ZNF644: variants seen among roughly 807,000 people sequenced by gnomAD.
ZNF644 encodes the protein zinc finger motif enhancer binding protein 2.
Under a neutral mutation model 108.0 loss-of-function variants are expected in ZNF644, and 20 were observed. The observed-to-expected ratio is 0.19, with a 90% confidence interval of 0.13 to 0.27. The LOEUF is 0.27. ZNF644 is among the 10% of genes least tolerant of loss of function. The pLI is 1.00. For missense variants in ZNF644, 1,338 were observed against 1,548.9 expected, an observed-to-expected ratio of 0.86 and a Z score of 2.29; for synonymous variants, 542 against 539.1, an observed-to-expected ratio of 1.01 and a Z score of -0.08.
At position 90,940,153 on chromosome 1, in the gene ZNF644, T is replaced by G. The variant is rs777201570; in HGVS notation, c.1201A>C (p.Thr401Pro). ...AATGATGGCTCTTCGGTACTGAAAG[T>G]AGCAGGTGACTCAGAATCACTCTCT... ...CEESDSESPA[T>P]FSTEEPSFYP... is the part of the protein sequence containing the mutation. Residue 401 changes from threonine (T) to proline (P), a missense_variant, in exon 3 of 6, where the codon ACT becomes CCT. Around this residue, in one of 6 missense-constraint regions of ZNF644, gnomAD observed 464 missense variants for 457.9 expected, o/e 1.01. Coordinates refer to ENST00000337393, the MANE Select transcript of ZNF644 (RefSeq NM_201269.3). 1.7e-5 allele frequency: 28 copies of G among 1,613,938 alleles called. No homozygotes were observed. Among genetic ancestry groups the G allele is most frequent in the Admixed American group, 1.2e-4 (7 of 59,996 alleles).
chr1:90,988,256 A>G (rs1210389646), intron 1 of ZNF644, among the ~76,000 whole-genome samples: 1 of 152,218 alleles, frequency 6.6e-6, no homozygotes, highest in Non-Finnish European at 1.5e-5. Context: ...TTGTATTTCA[A>G]TGAGCAATTT....
intron 1 of ZNF644, chr1:91,021,722 C>T (rs1000054723): frequency 3.9e-5 from 9 of 232,154 alleles, no homozygotes; most frequent in Non-Finnish European, 8.2e-6. Context: ...ACCGCCGCGG[C>T]CGCCGCCTCC....
At chr1:91,010,656 CATTTT>C (rs887620216) in intron 1 of ZNF644, among the ~76,000 whole-genome samples, 1 of 152,046 alleles carries the variant, frequency 6.6e-6, no homozygotes, top group African/African-American at 2.4e-5. Context: ...ACAGATCATT[CATTTT>C]ATTTTGTCAG....
At chr1:90,983,100 C>T (rs907471678) in intron 1 of ZNF644, among the ~76,000 whole-genome samples, 13 of 152,088 alleles carry the variant, frequency 8.5e-5, no homozygotes, top group Non-Finnish European at 1.8e-4. Context: ...CCTCCCCATA[C>T]CTGAAACTAG....
At chr1:90,921,421 TAAAAAC>T (rs1649426542) in intron 4 of ZNF644, among the ~76,000 whole-genome samples, 1 of 151,780 alleles carries the variant, frequency 6.6e-6, no homozygotes, top group Non-Finnish European at 1.5e-5. Flanking sequence ...CCAAGGAACT[TAAAAAC>T]AAAAAACCCA....
intron 2 of ZNF644, among the ~76,000 whole-genome samples, chr1:90,950,307 GACAAA>G (rs1220321101): frequency 4.4e-4 from 20 of 45,162 alleles, no homozygotes; most frequent in African/African-American, 1.4e-3. Context: ...GAGGGGAGGG[GACAAA>G]AGAAAAGAAA....
chr1:90,996,983 T>C (rs747573456), intron 1 of ZNF644, among the ~76,000 whole-genome samples: 2 of 152,104 alleles, frequency 1.3e-5, no homozygotes, highest in African/African-American at 2.4e-5. Context: ...CCCAATACCC[T>C]AGGACAACCA....
intron 1 of ZNF644, among the ~76,000 whole-genome samples, chr1:91,001,727 G>A (rs1396233801): frequency 6.6e-6 from 1 of 152,178 alleles, no homozygotes; most frequent in Non-Finnish European, 1.5e-5. Flanking sequence ...ATTCAGTTAG[G>A]AAAAGAAGAA....
At position 91,005,113 on chromosome 1, in the gene ZNF644, C is replaced by T. The variant is rs545909149; in HGVS notation, c.-18+16877G>A. 1.0e-3 allele frequency among the ~76,000 whole-genome samples: 157 copies of T among 151,966 alleles called. 1 individual carries two copies. Among genetic ancestry groups the T allele is most frequent in the African/African-American group, 3.5e-3 (145 of 41,480 alleles). On this transcript the variant is annotated intron_variant, in intron 1 of 5. Coordinates refer to ENST00000337393, the MANE Select transcript of ZNF644 (RefSeq NM_201269.3). ...AGACACACTTGAGATTAAATAGATACAAATAAACTGAAAGTAAAAGATAAA... is the reference window on the plus strand; with the variant it reads ...AGACACACTTGAGATTAAATAGATATAAATAAACTGAAAGTAAAAGATAAA...
chr1:90,991,197 A>G (rs1657601439), intron 1 of ZNF644, among the ~76,000 whole-genome samples: 1 of 152,238 alleles, frequency 6.6e-6, no homozygotes, highest in African/African-American at 2.4e-5. Context: ...ATCATTTGTT[A>G]CTGGGAAACT....
At chr1:90,994,698 G>A (rs1657977190) in intron 1 of ZNF644, among the ~76,000 whole-genome samples, 1 of 152,220 alleles carries the variant, frequency 6.6e-6, no homozygotes, top group Non-Finnish European at 1.5e-5. Context: ...CTACAAGGTT[G>A]AAGTACTAGT....
rs937387655 is a variant in ZNF644 at position 90,940,036 on chromosome 1, G to C, written c.1318C>G (p.Arg440Gly). Residue 440 changes from arginine to glycine, a missense_variant, in exon 3 of 6, where the codon CGC (arginine) becomes GGC (glycine). By Grantham distance (125) the Arg-to-Gly change is moderately radical. This residue lies in a region of ZNF644 where 80 missense variants were observed against 183.0 expected (regional missense o/e 0.44). Transcript: ENST00000337393. ...TATGGCCTTGGGACATTAAGATGGC[G>C]AAAGTGACTATTCCCATCTAAATGA... ...MYHLDGNSHF[R>G]HLNVPRPYAC... is the part of the protein sequence containing the mutation. 6.2e-7 allele frequency: 1 copy of C among 1,614,010 alleles called. No homozygotes were observed. Among genetic ancestry groups the C allele is most frequent in the Non-Finnish European group, 8.5e-7 (1 of 1,179,938 alleles).
At chr1:90,961,935 A>T (rs1475628876) in intron 2 of ZNF644, among the ~76,000 whole-genome samples, 1 of 152,108 alleles carries the variant, frequency 6.6e-6, no homozygotes, top group African/African-American at 2.4e-5. Context: ...ACAGAAAATT[A>T]TCTGGCCCAA....
intron 2 of ZNF644, among the ~76,000 whole-genome samples, chr1:90,974,982 C>A (rs1386258415): frequency 6.6e-6 from 1 of 152,176 alleles, no homozygotes; most frequent in Non-Finnish European, 1.5e-5. Flanking sequence ...CTTTCTGTTA[C>A]CTCTCATCCT....
chr1:90,973,383 A>G (rs568581579), intron 2 of ZNF644, among the ~76,000 whole-genome samples: 5 of 152,206 alleles, frequency 3.3e-5, no homozygotes, highest in Admixed American at 6.5e-5. Flanking sequence ...TGAGAGCAGT[A>G]TAACATAAGC....
chr1:91,012,314 G>GAA (rs35846572), intron 1 of ZNF644, among the ~76,000 whole-genome samples: 1 of 132,082 alleles, frequency 7.6e-6, no homozygotes, highest in Non-Finnish European at 1.6e-5. Context: ...ACTACCGAAA[G>GAA]AAAAAAAAAA....
chr1:90,995,836 G>GA (rs1353329648), intron 1 of ZNF644, among the ~76,000 whole-genome samples: 3 of 152,178 alleles, frequency 2.0e-5, no homozygotes, highest in Admixed American at 6.5e-5. Flanking sequence ...AAAGGGGAAG[G>GA]AAAGTAGTAA....
intron 2 of ZNF644, among the ~76,000 whole-genome samples, chr1:90,971,128 TCAAACAAAATACTAG>T (rs1286732497): frequency 2.0e-5 from 3 of 150,646 alleles, no homozygotes; most frequent in Non-Finnish European, 4.4e-5. Flanking sequence ...ATTGAGAACC[TCAAACAAAATACTAG>T]CAAACAAAAT....
intron 2 of ZNF644, among the ~76,000 whole-genome samples, chr1:90,959,019 T>C (rs2128854): frequency 0.11 from 17,350 of 152,154 alleles, 1,050 homozygotes; most frequent in South Asian, 0.16. Context: ...TATTATTGAA[T>C]ATATTTGAAA....
Sources: allele counts gnomAD v4.1 joint callset (sites outside exome capture counted in the v4.1 genomes callset), GRCh38; gene constraint gnomAD v4.1.1; regional missense constraint gnomAD v4.1.1; transcripts MANE v1.5; gene names NCBI Gene and HGNC (gene_info 2026-07-23, HGNC 2026-07-21).